PLCE1: variants seen among roughly 807,000 people sequenced by gnomAD.
PLCE1 encodes the protein 1-phosphatidylinositol 4,5-bisphosphate phosphodiesterase epsilon-1.
A neutral mutation model predicts 242.8 loss-of-function variants in PLCE1; 119 were observed. The observed-to-expected ratio is 0.49, with a 90% CI of 0.42 to 0.57. The LOEUF (loss-of-function observed/expected upper bound fraction) is 0.57, where lower values mean the gene tolerates loss of function less well. Among genes scored for constraint, PLCE1 ranks in the 20% least tolerant of loss-of-function variants. The probability of loss-of-function intolerance (pLI) is 0.00; values close to 1 mark genes in which losing one functional copy is unlikely to be tolerated. For missense variants in PLCE1, 2,441 were observed against 2,788.8 expected (o/e 0.88, Z 2.81); for synonymous variants, 945 against 1,017.4 (o/e 0.93, Z 1.35).
chr10:94,193,224 A>G (rs771544817), intron 4 of PLCE1, among the ~76,000 whole-genome samples: 2 of 152,206 alleles, frequency 1.3e-5, no homozygotes, highest in Admixed American at 6.5e-5. Context: ...ATAGGAGGTC[A>G]TGGATCACTT....
intron 2 of PLCE1, among the ~76,000 whole-genome samples, chr10:94,032,792 G>A (rs865918416): frequency 4.6e-5 from 7 of 151,910 alleles, no homozygotes; most frequent in Middle Eastern, 6.8e-3. Context: ...CAAGTTATGC[G>A]GATATACATT....
chr10:94,328,145 G>A lies in PLCE1; in HGVS notation c.*202G>A, dbSNP rs2054101466. On this transcript the variant is annotated 3_prime_UTR_variant, in exon 33 of 33. Transcript: ENST00000371380. ...AGTTGCCACCAACCAATTTACTGAT[G>A]AATGAAGCCCAGGGGACTGCCATTT... The A allele has an allele frequency of 1.5e-5, 5 of 331,734 alleles. No homozygotes were observed. The Admixed American group carries it at 1.9e-4, about 12-fold the overall frequency. The allele number at this position is 331,734 out of a possible 1,614,324, so 20.5% of individuals were successfully genotyped here.
chr10:94,246,094 G>C lies in PLCE1; in HGVS notation c.2569G>C (p.Val857Leu). 6.2e-7 allele frequency: 1 copy of C among 1,614,148 alleles called. No individual in the cohort carries two copies. Among genetic ancestry groups the C allele is most frequent in the African/African-American group, 1.3e-5 (1 of 75,040 alleles). The change falls in exon 8 of 33, where the codon GTG becomes CTG. Residue 857 changes from valine (V) to leucine (L), a missense_variant. Val to Leu is a conservative substitution (Grantham distance 32). Transcript: ENST00000371380. ...GTACGTGCTGTCCATCCAAGCCGAT[G>C]TGCACCAGTTCCTGCTGCAGGGGGC... ...PWYVLSIQAD[V>L]HQFLLQGATV...
intron 4 of PLCE1, among the ~76,000 whole-genome samples, chr10:94,184,210 A>T (rs779500514): frequency 6.6e-6 from 1 of 152,238 alleles, no homozygotes; most frequent in Non-Finnish European, 1.5e-5. Context: ...ATTTATAAGC[A>T]TAAAGGTAAC....
chr10:94,031,531 G>A lies in PLCE1; in HGVS notation c.485G>A (p.Gly162Asp). 6.2e-7 allele frequency: 1 copy of A among 1,612,306 alleles called. No homozygotes were observed. Among genetic ancestry groups the A allele is most frequent in the African/African-American group, 1.3e-5 (1 of 75,008 alleles). ...IQLELDRPSM[G>D]ISPLGNQSVI... ...CTGGAACTAGACAGACCTTCCATGGGCATTAGTCCTTTAGGAAATCAGTCA... is the reference window on the plus strand; with the variant it reads ...CTGGAACTAGACAGACCTTCCATGGACATTAGTCCTTTAGGAAATCAGTCA... Residue 162 changes from glycine (G) to aspartate (D), a missense_variant, in exon 2 of 33, where the codon GGC becomes GAC. Gly to Asp is a moderately conservative substitution (Grantham distance 94). This residue lies in a region of PLCE1 where 393 missense variants were observed against 378.5 expected (regional missense o/e 1.04). Coordinates refer to ENST00000371380, the MANE Select transcript of PLCE1 (RefSeq NM_016341.4).
At chr10:94,268,665 A>G (rs1171447682) in intron 16 of PLCE1, among the ~76,000 whole-genome samples, 1 of 152,174 alleles carries the variant, frequency 6.6e-6, no homozygotes, top group African/African-American at 2.4e-5. Context: ...GAAAATGGCC[A>G]TATGGTTTTG....
intron 4 of PLCE1, among the ~76,000 whole-genome samples, chr10:94,209,596 G>C (rs1380993801): frequency 6.6e-6 from 1 of 152,140 alleles, no homozygotes; most frequent in Non-Finnish European, 1.5e-5. Context: ...CAAGCATGAG[G>C]CTGGTTATAA....
At chr10:94,241,015 G>T (rs2050486929) in intron 7 of PLCE1, among the ~76,000 whole-genome samples, 1 of 152,168 alleles carries the variant, frequency 6.6e-6, no homozygotes, top group Non-Finnish European at 1.5e-5. Context: ...ACTATATCAT[G>T]TAAGAGACAA....
chr10:94,273,505 T>C (rs749390550), intron 18 of PLCE1, 57 bp from the exon 19 acceptor site: 5 of 1,423,366 alleles, frequency 3.5e-6, no homozygotes, highest in East Asian at 4.6e-5. Flanking sequence ...AGTGTACATA[T>C]ATTTATCAAT....
At chr10:94,053,741 G>A (rs942116349) in intron 2 of PLCE1, among the ~76,000 whole-genome samples, 10 of 152,178 alleles carry the variant, frequency 6.6e-5, no homozygotes, top group African/African-American at 1.9e-4. Flanking sequence ...TTGGGATTTC[G>A]CATTTCAACC....
At chr10:94,250,725 A>G (rs1274792867) in intron 8 of PLCE1, among the ~76,000 whole-genome samples, 1 of 152,222 alleles carries the variant, frequency 6.6e-6, no homozygotes, top group Non-Finnish European at 1.5e-5. Context: ...TCAAAGCAGT[A>G]TAGGTTAATG....
At chr10:94,281,981 G>A (rs554739633) in intron 20 of PLCE1, among the ~76,000 whole-genome samples, 1 of 151,620 alleles carries the variant, frequency 6.6e-6, no homozygotes, top group African/African-American at 2.4e-5. Context: ...GCCTCTTAGG[G>A]GGCCTAAAAG....
At chr10:94,171,738 A>C (rs1414568421) in intron 4 of PLCE1, among the ~76,000 whole-genome samples, 1 of 152,014 alleles carries the variant, frequency 6.6e-6, no homozygotes, top group Non-Finnish European at 1.5e-5. Flanking sequence ...TGCATTACCC[A>C]GTCCACCAAT....
At position 94,325,311 on chromosome 10, in the gene PLCE1, GAA is replaced by G. The variant is rs1446300028; in HGVS notation, c.*24+209_*24+210del. The stretch of plus-strand genomic sequence containing the variant: ...TGAACACCGCCTATAAAGAAAAAGG[GAA>G]AGAGGCTGGGCGTGGTGGCGCATGC... On this transcript the variant is annotated intron_variant, in intron 32 of 32. Transcript: ENST00000371380. 14 of 505,464 alleles carry G rather than the reference GAA, an allele frequency of 2.8e-5. No homozygotes were observed. The East Asian group carries it at 4.5e-4, about 16-fold the overall frequency. The allele number at this position is 505,464 out of a possible 1,614,324, so 31.3% of individuals were successfully genotyped here.
At position 94,163,973 on chromosome 10, in the gene PLCE1, A is replaced by T. The variant is rs576643079; in HGVS notation, c.1493-7207A>T. Among the ~76,000 whole-genome samples, 4 of 152,264 alleles carry T rather than the reference A, an allele frequency of 2.6e-5. No individual in the cohort carries two copies. In the South Asian group the frequency reaches 6.2e-4, roughly 24 times the overall value. Reference sequence around the variant, plus strand: ...ATTCTTTTCTTTAAAAATGTTGAATATTGGCCCCCACTCCCTTCTGGCTTG... The same window carrying T: ...ATTCTTTTCTTTAAAAATGTTGAATTTTGGCCCCCACTCCCTTCTGGCTTG... On this transcript the variant is annotated intron_variant, in intron 3 of 32. Transcript: ENST00000371380.
At chr10:94,161,216 G>A (rs2047602768) in intron 3 of PLCE1, among the ~76,000 whole-genome samples, 1 of 152,184 alleles carries the variant, frequency 6.6e-6, no homozygotes, top group Admixed American at 6.5e-5. Context: ...GTAGCTTGAT[G>A]GGGATGGCCT....
chr10:94,308,490 G>A (rs893846479), intron 26 of PLCE1, 91 bp from the exon 27 acceptor site: 1 of 892,134 alleles, frequency 1.1e-6, no homozygotes, highest in African/African-American at 1.6e-5. Flanking sequence ...CCATTTTAAG[G>A]TCTTTCTACC....
At chr10:94,208,167 C>T (rs1220206751) in intron 4 of PLCE1, among the ~76,000 whole-genome samples, 3 of 152,086 alleles carry the variant, frequency 2.0e-5, no homozygotes, top group South Asian at 2.1e-4. Flanking sequence ...AACTGTGTGG[C>T]GGAGACACCT....
chr10:94,159,234 T>A (rs970397506), intron 3 of PLCE1, among the ~76,000 whole-genome samples: 1 of 152,186 alleles, frequency 6.6e-6, no homozygotes, highest in South Asian at 2.1e-4. Context: ...TTTTGTGAGC[T>A]CATCTTTTTC....
Sources: allele counts gnomAD v4.1 joint callset (sites outside exome capture counted in the v4.1 genomes callset), GRCh38; gene constraint gnomAD v4.1.1; regional missense constraint gnomAD v4.1.1; transcripts MANE v1.5; gene names NCBI Gene and HGNC (gene_info 2026-07-23, HGNC 2026-07-21).